Variants in GALNTL6 observed in about 807,000 individuals in gnomAD.
GALNTL6 encodes the protein polypeptide N-acetylgalactosaminyltransferase-like 6.
Under a neutral mutation model 73.7 loss-of-function variants are expected in GALNTL6, and 46 were observed. The observed-to-expected ratio is 0.62, with a 90% confidence interval of 0.49 to 0.80. The LOEUF (loss-of-function observed/expected upper bound fraction) is 0.80, where lower values mean the gene tolerates loss of function less well. Ranked by LOEUF, GALNTL6 falls within the 30% of genes least tolerant of loss-of-function variation. GALNTL6 has a pLI of 0.00. For synonymous variants in GALNTL6, 259 were observed against 263.7 expected, an observed-to-expected ratio of 0.98 and a Z score of 0.17; for missense variants, 604 against 755.0, an observed-to-expected ratio of 0.80 and a Z score of 2.34.
chr4:172,089,878 T>G (rs540694492), intron 2 of GALNTL6, among the ~76,000 whole-genome samples: 1 of 152,056 alleles, frequency 6.6e-6, no homozygotes, highest in Non-Finnish European at 1.5e-5. Flanking sequence ...AAGGCCCCAG[T>G]GTGTAATGTT....
At chr4:172,369,153 G>C (rs563332449) in intron 5 of GALNTL6, among the ~76,000 whole-genome samples, 1 of 152,264 alleles carries the variant, frequency 6.6e-6, no homozygotes, top group African/African-American at 2.4e-5. Context: ...ACAGAGAGCT[G>C]ATTGGTCTGT....
rs532699082 is a variant in GALNTL6, at chr4:171,897,145, A to C, written c.138+82427A>C. Among the ~76,000 whole-genome samples, 4 of 152,244 alleles carry C rather than the reference A, an allele frequency of 2.6e-5. No individual in the cohort carries two copies. In the South Asian group the frequency reaches 6.2e-4, roughly 24 times the overall value. On this transcript the variant is annotated intron_variant, in intron 2 of 12. Transcript: ENST00000506823. ...GACAAAAGAAAAAATCTAGAAATTG[A>C]GAACAGAAGAACAATAAAAATAAGT...
chr4:173,001,644 T>C (rs761016034), intron 10 of GALNTL6, among the ~76,000 whole-genome samples: 12 of 152,222 alleles, frequency 7.9e-5, no homozygotes, highest in Non-Finnish European at 2.9e-5. Context: ...ATCTAGAATA[T>C]ATATTTTCAA....
intron 2 of GALNTL6, among the ~76,000 whole-genome samples, chr4:172,135,517 T>C (rs1733616031): frequency 6.6e-6 from 1 of 152,122 alleles, no homozygotes. Flanking sequence ...ATTAGTAGAA[T>C]TCTCAATTGA....
intron 2 of GALNTL6, among the ~76,000 whole-genome samples, chr4:171,880,434 T>G (rs962934480): frequency 4.6e-5 from 7 of 152,208 alleles, no homozygotes; most frequent in African/African-American, 1.7e-4. Context: ...ATTCTGCTCT[T>G]CACTATATTG....
At chr4:172,030,580 C>A (rs1170216599) in intron 2 of GALNTL6, among the ~76,000 whole-genome samples, 1 of 151,718 alleles carries the variant, frequency 6.6e-6, no homozygotes, top group Non-Finnish European at 1.5e-5. Flanking sequence ...TGTGGTGGTG[C>A]ACATCTGTAA....
intron 5 of GALNTL6, among the ~76,000 whole-genome samples, chr4:172,441,782 T>A (rs191158953): frequency 4.3e-3 from 653 of 152,206 alleles, no homozygotes; most frequent in Non-Finnish European, 7.6e-3. Flanking sequence ...AAGAGGAAAT[T>A]TTCTAATCTG....
At position 172,893,078 on chromosome 4, in the gene GALNTL6, G is replaced by C. The variant is rs114135775; in HGVS notation, c.1041+10171G>C. On this transcript the variant is annotated intron_variant, in intron 8 of 12. Transcript: ENST00000506823. ...TCCCAGCAGATGGCTGTGGGGCCAA[G>C]CCAGCTCACACTTACCCAACCCAGT... Among the ~76,000 whole-genome samples the C allele has an allele frequency of 5.8e-3, 879 of 152,256 alleles. 7 individuals are homozygous for C. The highest frequency in any genetic ancestry group is 0.02 in the African/African-American group (823 of 41,556).
chr4:172,047,767 CAA>C (rs1021979828), intron 2 of GALNTL6, among the ~76,000 whole-genome samples: 11 of 151,852 alleles, frequency 7.2e-5, no homozygotes, highest in African/African-American at 2.7e-4. Context: ...ATCAAAAAAA[CAA>C]AGAATTGATA....
chr4:172,176,337 CA>C (rs562300659), intron 2 of GALNTL6, among the ~76,000 whole-genome samples: 19 of 31,362 alleles, frequency 6.1e-4, no homozygotes, highest in African/African-American at 2.5e-3. Flanking sequence ...GACTCCGTCT[CA>C]AAAAAAAAAA....
chr4:171,966,245 T>C (rs1165538036), intron 2 of GALNTL6, among the ~76,000 whole-genome samples: 1 of 152,210 alleles, frequency 6.6e-6, no homozygotes, highest in Non-Finnish European at 1.5e-5. Context: ...AATTTATAGC[T>C]GAATAGGTTT....
intron 7 of GALNTL6, among the ~76,000 whole-genome samples, chr4:172,832,335 A>T (rs919731451): frequency 7.9e-5 from 12 of 152,190 alleles, no homozygotes; most frequent in African/African-American, 2.9e-4. Flanking sequence ...ACAGAGACAG[A>T]AAGTACGCGG....
intron 4 of GALNTL6, among the ~76,000 whole-genome samples, chr4:172,342,253 T>C (rs1204046521): frequency 1.3e-5 from 2 of 151,884 alleles, no homozygotes; most frequent in African/African-American, 2.4e-5. Flanking sequence ...TTATAGTATT[T>C]ATATAATTTA....
intron 10 of GALNTL6, among the ~76,000 whole-genome samples, chr4:172,992,964 G>C (rs73870331): frequency 0.041 from 6,233 of 152,162 alleles, 285 homozygotes; most frequent in African/African-American, 0.11. Flanking sequence ...GAATGAACAA[G>C]GGCAGCTTGG....
intron 2 of GALNTL6, among the ~76,000 whole-genome samples, chr4:171,946,708 T>C (rs1042721820): frequency 1.3e-4 from 20 of 152,210 alleles, no homozygotes; most frequent in Middle Eastern, 3.4e-3. Flanking sequence ...GCCTCTCCAA[T>C]GCCATGAGTA....
intron 5 of GALNTL6, among the ~76,000 whole-genome samples, chr4:172,528,872 A>G (rs1033864030): frequency 2.8e-5 from 4 of 145,372 alleles, no homozygotes; most frequent in African/African-American, 1.0e-4. Flanking sequence ...TTTTCATCAC[A>G]AGGATCCTTC....
intron 5 of GALNTL6, among the ~76,000 whole-genome samples, chr4:172,750,481 G>T (rs1478723001): frequency 6.6e-6 from 1 of 152,074 alleles, no homozygotes. Context: ...TGACCTACCA[G>T]GAGGTACTCT....
chr4:172,444,151 C>G (rs1434771322), intron 5 of GALNTL6, among the ~76,000 whole-genome samples: 1 of 152,142 alleles, frequency 6.6e-6, no homozygotes, highest in African/African-American at 2.4e-5. Context: ...GACTAACACA[C>G]TGAATTGGAG....
chr4:172,284,280 TA>T (rs1739172452), intron 3 of GALNTL6, among the ~76,000 whole-genome samples: 2 of 152,356 alleles, frequency 1.3e-5, no homozygotes, highest in East Asian at 3.9e-4. Context: ...AATGATTTCT[TA>T]CTTTTTTTCA....
Sources: gnomAD v4.1 joint callset for allele counts (sites outside exome capture counted in the v4.1 genomes callset) on GRCh38, gnomAD v4.1.1 for gene constraint, MANE v1.5 for transcripts, NCBI Gene and HGNC (gene_info 2026-07-23, HGNC 2026-07-21) for gene names.